The following GALNT15 variants were observed in gnomAD, a reference collection of about 807,000 sequenced individuals.
The protein encoded by GALNT15 is UDP-GalNAc transferase T15.
Under a neutral mutation model 66.8 loss-of-function variants are expected in GALNT15, and 67 were observed. The ratio of observed to expected loss-of-function variants is 1.00; its 90% CI spans 0.82 to 1.23. The LOEUF (loss-of-function observed/expected upper bound fraction) is 1.23, where lower values mean the gene tolerates loss of function less well. Ranked by LOEUF, GALNT15 falls within the 50% of genes most tolerant of loss-of-function variation. GALNT15 has a pLI of 0.00. For synonymous variants in GALNT15, 313 were observed against 311.5 expected (o/e 1.00, Z -0.05); for missense variants, 827 against 804.3 (o/e 1.03, Z -0.34).
In GALNT15 at chr3:16,200,924, C is replaced by G. The variant is rs2063694026; in HGVS notation, c.911+101C>G. Reference sequence around the variant, plus strand: ...GCAACCCACCTATTAATTCCTGAATCTCCATTAGAGAGTGATATATTCCCT... The same window carrying G: ...GCAACCCACCTATTAATTCCTGAATGTCCATTAGAGAGTGATATATTCCCT... On this transcript the variant is annotated intron_variant, in intron 3 of 9. Transcript: ENST00000339732. The surrounding 1 kb of genome is among the most constrained non-coding windows in gnomAD (Gnocchi z 4.4). 6.9e-6 allele frequency: 6 copies of G among 867,652 alleles called. No individual in the cohort carries two copies. Among genetic ancestry groups the G allele is most frequent in the Non-Finnish European group, 1.0e-5 (6 of 576,302 alleles). 53.7% of individuals were successfully genotyped at this position (867,652 alleles called of 1,614,324 possible).
chr3:16,221,697 G>T (rs568622499), intron 8 of GALNT15, among the ~76,000 whole-genome samples: 3 of 152,180 alleles, frequency 2.0e-5, no homozygotes, highest in Non-Finnish European at 2.9e-5. Flanking sequence ...CAGGAAAATG[G>T]TAAGAAGCTT....
At chr3:16,220,041 A>T (rs2063926354) in intron 8 of GALNT15, 27 bp downstream of exon 8, 1 of 1,540,308 alleles carries the variant, frequency 6.5e-7, no homozygotes. Context: ...CTCAGGATGG[A>T]TGATAGCCCA....
In GALNT15 at chr3:16,189,957, A is replaced by T. The variant is rs1466574582; in HGVS notation, c.540-5803A>T. On this transcript the variant is annotated intron_variant, in intron 1 of 9. Transcript: ENST00000339732. This position sits in a 1 kb window ranked among gnomAD's most constrained non-coding sequence, Gnocchi z 5.1. ...AGCTTATGGTACTTGCCCAGGTCAC[A>T]TAAGGACAGACTGGGATTTGAACCC... is the stretch of plus-strand genomic sequence containing the variant. 1.3e-5 allele frequency among the ~76,000 whole-genome samples: 2 copies of T among 152,246 alleles called. No homozygotes were observed. The highest frequency in any genetic ancestry group is 2.9e-5 in the Non-Finnish European group (2 of 68,044).
At chr3:16,213,048 T>G (rs2063834008) in intron 6 of GALNT15, among the ~76,000 whole-genome samples, 1 of 151,856 alleles carries the variant, frequency 6.6e-6, no homozygotes, top group Admixed American at 6.6e-5. Flanking sequence ...AGGGGAGGGG[T>G]TGGCACAGAG....
rs1174581884 is a variant in GALNT15, at chr3:16,225,067, T to C, written c.1774-2287T>C. On this transcript the variant is annotated intron_variant, in intron 9 of 9. Coordinates refer to ENST00000339732, the MANE Select transcript of GALNT15 (RefSeq NM_054110.5). The surrounding 1 kb of genome is among the most constrained non-coding windows in gnomAD (Gnocchi z 4.4). ...AGTGGCATCTGCTTCTGGGGAGGCC[T>C]CAGAGAGCTTTTACTTATGGCAGAA... Among the ~76,000 whole-genome samples, 1 of 152,170 alleles carries C rather than the reference T, an allele frequency of 6.6e-6. No homozygotes were observed. The highest frequency in any genetic ancestry group is 6.5e-5 in the Admixed American group (1 of 15,272).
At chr3:16,201,371 A>T (rs1461914133) in intron 3 of GALNT15, among the ~76,000 whole-genome samples, 4 of 151,234 alleles carry the variant, frequency 2.6e-5, no homozygotes, top group African/African-American at 4.8e-5. Flanking sequence ...TTAGTAGAGA[A>T]GGGGTTTCAC....
chr3:16,243,436 T>C, the GALNT15 span, among the ~76,000 whole-genome samples: 1 of 152,162 alleles, frequency 6.6e-6, no homozygotes, highest in East Asian at 1.9e-4. Flanking sequence ...GCTGATGCAG[T>C]GGGCGCCCAG....
Position 16,182,474 on chromosome 3 carries a change from G to A in GALNT15, c.539+6784G>A, listed in dbSNP as rs2063480757. 6.6e-6 allele frequency among the ~76,000 whole-genome samples: 1 copy of A among 152,250 alleles called. No individual in the cohort carries two copies. Among genetic ancestry groups the A allele is most frequent in the Admixed American group, 6.5e-5 (1 of 15,288 alleles). On this transcript the variant is annotated intron_variant, in intron 1 of 9. Coordinates refer to ENST00000339732, the MANE Select transcript of GALNT15 (RefSeq NM_054110.5). This position sits in a 1 kb window ranked among gnomAD's most constrained non-coding sequence, Gnocchi z 6.1. ...AGATGCTCAAGTCACTTAAGGTGATGGAGTTACTGCAAGTTTACACAGGAA... is the reference window on the plus strand; with the variant it reads ...AGATGCTCAAGTCACTTAAGGTGATAGAGTTACTGCAAGTTTACACAGGAA...
the GALNT15 span, among the ~76,000 whole-genome samples, chr3:16,240,378 C>A: frequency 1.8e-4 from 28 of 152,298 alleles, 2 homozygotes; most frequent in South Asian, 5.8e-3. Flanking sequence ...CTTGATGAGT[C>A]ACTCATGAAT....
chr3:16,179,559 G>A (rs1237722754), intron 1 of GALNT15, among the ~76,000 whole-genome samples: 1 of 152,180 alleles, frequency 6.6e-6, no homozygotes, highest in Non-Finnish European at 1.5e-5. Context: ...TGCACCCTAT[G>A]AGATACTCAG....
downstream of GALNT15, among the ~76,000 whole-genome samples, chr3:16,236,384 G>A (rs946314488): frequency 6.6e-6 from 1 of 152,116 alleles, no homozygotes; most frequent in East Asian, 1.9e-4. Flanking sequence ...TGCCATTGTG[G>A]TACAAAAGGA....
chr3:16,245,767 T>C, the GALNT15 span, among the ~76,000 whole-genome samples: 133 of 152,318 alleles, frequency 8.7e-4, no homozygotes, highest in East Asian at 0.023. Flanking sequence ...TGGAGGACTG[T>C]AGCCGCAAAC....
the GALNT15 span, among the ~76,000 whole-genome samples, chr3:16,240,640 G>C: frequency 1.3e-5 from 2 of 152,164 alleles, no homozygotes; most frequent in Non-Finnish European, 2.9e-5. Context: ...AATATGTATT[G>C]TGAAGTAATA....
chr3:16,242,770 C>T, the GALNT15 span, among the ~76,000 whole-genome samples: 1 of 151,886 alleles, frequency 6.6e-6, no homozygotes, highest in Admixed American at 6.6e-5. The surrounding 1 kb of genome is among the most constrained non-coding windows in gnomAD (Gnocchi z 5.6). Flanking sequence ...CAAAGAGAGA[C>T]CCTGTCTCAA....
rs1174199414 is a variant in GALNT15, at chr3:16,187,771, G to A, written c.540-7989G>A. 3.9e-5 allele frequency among the ~76,000 whole-genome samples: 6 copies of A among 152,200 alleles called. 1 individual carries two copies. The highest frequency in any genetic ancestry group is 2.9e-5 in the Non-Finnish European group (2 of 68,038). On this transcript the variant is annotated intron_variant, in intron 1 of 9. Transcript: ENST00000339732. This position sits in a 1 kb window ranked among gnomAD's most constrained non-coding sequence, Gnocchi z 5.1. ...TTCCTATTTCAAAGGGCATTTGGGA[G>A]GAATAAATGTAATAATTCTTGTAAT...
chr3:16,235,448 T>G (rs1382645450), downstream of GALNT15, among the ~76,000 whole-genome samples: 3 of 152,194 alleles, frequency 2.0e-5, no homozygotes, highest in African/African-American at 7.2e-5. Flanking sequence ...GATATAGAAG[T>G]ATACCATAGA....
rs1177722064 is a variant in GALNT15, at chr3:16,203,730, T to C, written c.911+2907T>C. Among the ~76,000 whole-genome samples the C allele has an allele frequency of 6.6e-6, 1 of 152,110 alleles. No individual in the cohort carries two copies. Among genetic ancestry groups the C allele is most frequent in the Non-Finnish European group, 1.5e-5 (1 of 68,028 alleles). On this transcript the variant is annotated intron_variant, in intron 3 of 9. Coordinates refer to ENST00000339732, the MANE Select transcript of GALNT15 (RefSeq NM_054110.5). The surrounding 1 kb of genome is among the most constrained non-coding windows in gnomAD (Gnocchi z 6.2). Reference sequence around the variant, plus strand: ...ACTGTGTTTTCTCTGGGCCCTAGTGTCCAGCTTTTAGGCACTGGCAGGTGA... The same window carrying C: ...ACTGTGTTTTCTCTGGGCCCTAGTGCCCAGCTTTTAGGCACTGGCAGGTGA...
At chr3:16,214,624 A>T (rs1332287253) in intron 6 of GALNT15, among the ~76,000 whole-genome samples, 1 of 152,050 alleles carries the variant, frequency 6.6e-6, no homozygotes, top group Non-Finnish European at 1.5e-5. Context: ...ACAGAGAACC[A>T]TACCCAATGC....
downstream of GALNT15, among the ~76,000 whole-genome samples, chr3:16,236,855 C>T (rs1350190302): frequency 6.6e-5 from 10 of 152,154 alleles, no homozygotes; most frequent in African/African-American, 1.2e-4. Flanking sequence ...GTTGAGCAAA[C>T]GAGCTTTCTT....
Sources: allele counts gnomAD v4.1 joint callset (sites outside exome capture counted in the v4.1 genomes callset), GRCh38; gene constraint gnomAD v4.1.1; non-coding constraint Gnocchi (gnomAD v3.1); transcripts MANE v1.5; gene names NCBI Gene and HGNC (gene_info 2026-07-23, HGNC 2026-07-21).